The following SHROOM3 variants were observed in gnomAD, a reference collection of about 807,000 sequenced individuals.
SHROOM3 encodes the protein shroom family member 3, also known as protein Shroom3.
In SHROOM3, 47 loss-of-function variants were observed where a neutral mutation model predicts 138.6. That is an observed-to-expected ratio of 0.34 (90% CI 0.27 to 0.43). SHROOM3 has a LOEUF of 0.43. Ranked by LOEUF, SHROOM3 falls within the 20% of genes least tolerant of loss-of-function variation. SHROOM3 has a pLI of 1.00. For missense variants in SHROOM3, 2,491 were observed against 2,596.5 expected, an observed-to-expected ratio of 0.96 and a Z score of 0.88; for synonymous variants, 1,062 against 1,063.3, an observed-to-expected ratio of 1.00 and a Z score of 0.02.
In SHROOM3 at chr4:76,739,778, A is replaced by G; in HGVS notation, c.1605A>G (p.Glu535=). 6.2e-7 allele frequency: 1 copy of G among 1,614,180 alleles called. No individual in the cohort carries two copies. Among genetic ancestry groups the G allele is most frequent in the East Asian group, 2.2e-5 (1 of 44,874 alleles). The part of the protein sequence containing the change: ...RPGFAFCQPL[E]HDLLSPVEKK... ...GGTTTGCCTTCTGCCAGCCCTTAGA[A>G]CATGACTTGCTGTCCCCAGTGGAGA... Residue 535 remains glutamate (E), a synonymous_variant, in exon 5 of 11, where the codon GAA becomes GAG. Transcript: ENST00000296043.
At chr4:76,595,535 G>C (rs1014756444) in intron 2 of SHROOM3, among the ~76,000 whole-genome samples, 5 of 152,172 alleles carry the variant, frequency 3.3e-5, no homozygotes, top group Admixed American at 2.0e-4. Context: ...AGGAGTTCTA[G>C]TTTTGTGTAT....
chr4:76,608,613 TGGACAGAGATGGTATA>T (rs1734681845), intron 2 of SHROOM3, among the ~76,000 whole-genome samples: 1 of 84,656 alleles, frequency 1.2e-5, no homozygotes. Context: ...AGCATAGCAT[TGGACAGAGATGGTATA>T]GCATAGCATA....
chr4:76,630,338 T>G (rs73828202), intron 2 of SHROOM3, among the ~76,000 whole-genome samples: 10,424 of 152,176 alleles, frequency 0.068, 1,183 homozygotes, highest in African/African-American at 0.23. Context: ...GCAGCTTCAT[T>G]AGATGGAGCA....
chr4:76,454,466 C>T (rs1457127838), intron 1 of SHROOM3, among the ~76,000 whole-genome samples: 1 of 152,112 alleles, frequency 6.6e-6, no homozygotes, highest in Admixed American at 6.5e-5. Flanking sequence ...ATTATTTAGC[C>T]ATTTATAGCC....
In SHROOM3 at chr4:76,781,498, G is replaced by A. The variant is rs908696488; in HGVS notation, c.*2321G>A. On this transcript the variant is annotated 3_prime_UTR_variant, in exon 11 of 11. Transcript: ENST00000296043. ...AGTAACAGGCAATGCTGCTTGGCAT[G>A]CCACAAACATCTGAAAGCTTGTGAC... The A allele has an allele frequency of 6.6e-6, 1 of 152,198 alleles. No individual in the cohort carries two copies. The highest frequency in any genetic ancestry group is 1.5e-5 in the Non-Finnish European group (1 of 68,046). 9.4% of individuals were successfully genotyped at this position (152,198 alleles called of 1,614,324 possible). A position where few individuals can be genotyped will look rare whatever the true frequency, so the allele number is the denominator to read the frequency against.
At chr4:76,441,082 A>ATTTGT (rs1560506857) in intron 1 of SHROOM3, among the ~76,000 whole-genome samples, 14 of 55,984 alleles carry the variant, frequency 2.5e-4, no homozygotes, top group African/African-American at 6.4e-4. Context: ...CCTGAGTTCA[A>ATTTGT]TTTGTTTTTT....
At chr4:76,482,448 G>A (rs927639265) in intron 1 of SHROOM3, among the ~76,000 whole-genome samples, 1 of 152,068 alleles carries the variant, frequency 6.6e-6, no homozygotes, top group African/African-American at 2.4e-5. Flanking sequence ...CAACTTACAA[G>A]GGATGTGAAG....
At position 76,493,706 on chromosome 4, in the gene SHROOM3, T is replaced by C. The variant is rs564229376; in HGVS notation, c.168+57486T>C. Among the ~76,000 whole-genome samples, 4 of 152,244 alleles carry C rather than the reference T, an allele frequency of 2.6e-5. No individual in the cohort carries two copies. The South Asian group carries it at 6.2e-4, about 24-fold the overall frequency. ...ACGTAAAGTGAAAATATTGGCCGGG[T>C]GTGGTGGCTCATGCCTGTAATCCCA... On this transcript the variant is annotated intron_variant, in intron 1 of 10. Transcript: ENST00000296043.
chr4:76,505,894 T>C (rs1732199918), intron 1 of SHROOM3, among the ~76,000 whole-genome samples: 1 of 152,102 alleles, frequency 6.6e-6, no homozygotes, highest in Non-Finnish European at 1.5e-5. Context: ...CAAGTGATCC[T>C]TCTGCCTCCT....
At position 76,739,181 on chromosome 4, in the gene SHROOM3, A is replaced by G; in HGVS notation, c.1008A>G (p.Arg336=). ...SALLLQGREA[R]ASANGQGYDK... is the part of the protein sequence containing the mutation. Reference sequence around the variant, plus strand: ...TGCTGCTTCAAGGTAGGGAGGCCCGAGCCTCAGCAAATGGTCAGGGCTATG... The same window carrying G: ...TGCTGCTTCAAGGTAGGGAGGCCCGGGCCTCAGCAAATGGTCAGGGCTATG... Residue 336 remains arginine, a synonymous_variant, in exon 5 of 11, where the codon CGA becomes CGG. Transcript: ENST00000296043. 6.2e-7 allele frequency: 1 copy of G among 1,614,136 alleles called. No homozygotes were observed. The highest frequency in any genetic ancestry group is 1.3e-5 in the African/African-American group (1 of 75,040).
At chr4:76,692,030 G>A (rs1719567560) in intron 2 of SHROOM3, among the ~76,000 whole-genome samples, 1 of 152,102 alleles carries the variant, frequency 6.6e-6, no homozygotes, top group Non-Finnish European at 1.5e-5. Context: ...CAATTGCCTT[G>A]ACACCTTCCT....
At chr4:76,592,531 C>T (rs565243590) in intron 2 of SHROOM3, among the ~76,000 whole-genome samples, 3 of 152,210 alleles carry the variant, frequency 2.0e-5, no homozygotes, top group Non-Finnish European at 4.4e-5. Flanking sequence ...GAGAATTAAA[C>T]TCCCAACCTT....
rs146962643 is a variant in SHROOM3, at chr4:76,528,544, C to CT, written c.169-27062dup. 4.0e-3 allele frequency among the ~76,000 whole-genome samples: 415 copies of CT among 103,442 alleles called. 32 individuals are homozygous for CT. Among genetic ancestry groups the CT allele is most frequent in the African/African-American group, 0.017 (392 of 22,420 alleles). The allele number at this position is 103,442 out of a possible 152,430, so 67.9% of individuals were successfully genotyped here. On this transcript the variant is annotated intron_variant, in intron 1 of 10. Coordinates refer to ENST00000296043, the MANE Select transcript of SHROOM3 (RefSeq NM_020859.4). ...GGACTTCTCTCCTTTATCTTTCTTT[C>CT]TTTCTTTTTTTTTTTTTTGAGGCAG...
chr4:76,615,845 G>A (rs1734863545), intron 2 of SHROOM3, among the ~76,000 whole-genome samples: 1 of 152,228 alleles, frequency 6.6e-6, no homozygotes, highest in Non-Finnish European at 1.5e-5. Flanking sequence ...ACAAATATGA[G>A]TGGTGCATCA....
At chr4:76,608,528 GGCATA>G (rs66571570) in intron 2 of SHROOM3, among the ~76,000 whole-genome samples, 4,585 of 112,452 alleles carry the variant, frequency 0.041, 38 homozygotes, top group Admixed American at 0.073. Context: ...GGACAGAGAT[GGCATA>G]GCATAGCATA....
At position 76,529,408 on chromosome 4, in the gene SHROOM3, C is replaced by G. The variant is rs144418774; in HGVS notation, c.169-26201C>G. Among the ~76,000 whole-genome samples, 1,164 of 152,160 alleles carry G rather than the reference C, an allele frequency of 7.6e-3. 19 individuals are homozygous for G. Among genetic ancestry groups the G allele is most frequent in the African/African-American group, 0.024 (1,016 of 41,500 alleles). Reference sequence around the variant, plus strand: ...CTCGGCTCACTGCAAGCTCCACCTCCCGAGTTCACACCGTTCTCTTGCCTC... The same window carrying G: ...CTCGGCTCACTGCAAGCTCCACCTCGCGAGTTCACACCGTTCTCTTGCCTC... On this transcript the variant is annotated intron_variant, in intron 1 of 10. Transcript: ENST00000296043.
At chr4:76,457,294 G>T (rs192730792) in intron 1 of SHROOM3, among the ~76,000 whole-genome samples, 1 of 151,946 alleles carries the variant, frequency 6.6e-6, no homozygotes, top group Non-Finnish European at 1.5e-5. Flanking sequence ...GTGAGCTCTC[G>T]TGAGATCTGG....
At chr4:76,634,059 C>T (rs1735421076) in intron 2 of SHROOM3, among the ~76,000 whole-genome samples, 2 of 152,040 alleles carry the variant, frequency 1.3e-5, no homozygotes, top group Admixed American at 1.3e-4. Flanking sequence ...AGTGCTAGTC[C>T]TCAATATTCT....
intron 2 of SHROOM3, among the ~76,000 whole-genome samples, chr4:76,652,360 T>C (rs2110089002): frequency 6.6e-6 from 1 of 152,222 alleles, no homozygotes; most frequent in African/African-American, 2.4e-5. Flanking sequence ...GTCATGCAGT[T>C]GAATTATAGG....
Sources: gnomAD v4.1 joint callset for allele counts (sites outside exome capture counted in the v4.1 genomes callset) on GRCh38, gnomAD v4.1.1 for gene constraint, MANE v1.5 for transcripts, NCBI Gene and HGNC (gene_info 2026-07-23, HGNC 2026-07-21) for gene names.